The following SLC2A13 variants were observed in gnomAD, a reference collection of about 807,000 sequenced individuals.
SLC2A13 encodes the protein proton myo-inositol cotransporter.
SLC2A13 carries 32 observed loss-of-function variants against 64.4 expected under a neutral mutation model. The observed-to-expected ratio is 0.50, with a 90% CI of 0.37 to 0.67. The LOEUF (loss-of-function observed/expected upper bound fraction) is 0.67. SLC2A13 is among the 30% of genes least tolerant of loss of function. SLC2A13 has a pLI of 0.00. For missense variants in SLC2A13, 743 were observed against 829.2 expected (o/e 0.90, Z 1.28); for synonymous variants, 338 against 327.1 (o/e 1.03, Z -0.36).
intron 6 of SLC2A13, among the ~76,000 whole-genome samples, chr12:39,840,969 C>A (rs1943163200): frequency 6.6e-6 from 1 of 152,094 alleles, no homozygotes. Flanking sequence ...CCATTTCAGT[C>A]CATGAAGATA....
intron 1 of SLC2A13, among the ~76,000 whole-genome samples, chr12:40,054,253 A>G (rs1046209418): frequency 1.3e-5 from 2 of 152,202 alleles, no homozygotes; most frequent in African/African-American, 4.8e-5. Context: ...AGGTGCTTTA[A>G]AAATGAATGT....
chr12:39,986,801 T>C (rs890433766), intron 3 of SLC2A13, among the ~76,000 whole-genome samples: 5 of 151,994 alleles, frequency 3.3e-5, no homozygotes, highest in African/African-American at 1.2e-4. Context: ...GGCATATCTA[T>C]GGTGCTTGCC....
chr12:40,033,485 C>A (rs1947934444), intron 2 of SLC2A13, among the ~76,000 whole-genome samples: 1 of 152,216 alleles, frequency 6.6e-6, no homozygotes, highest in East Asian at 1.9e-4. Context: ...ACCCACTGGG[C>A]TGGGTAACTG....
At chr12:40,014,570 CA>C (rs1186541391) in intron 3 of SLC2A13, among the ~76,000 whole-genome samples, 1 of 152,126 alleles carries the variant, frequency 6.6e-6, no homozygotes, top group African/African-American at 2.4e-5. Flanking sequence ...CGGCTCACTG[CA>C]ACCTCCACCT....
At chr12:39,993,392 G>A (rs778884164) in intron 3 of SLC2A13, among the ~76,000 whole-genome samples, 35 of 152,320 alleles carry the variant, frequency 2.3e-4, no homozygotes, top group Middle Eastern at 3.4e-3. Context: ...AAACAATGTA[G>A]TCTGGCTACC....
At chr12:40,088,009 A>AG (rs1481252244) in intron 1 of SLC2A13, among the ~76,000 whole-genome samples, 2 of 152,244 alleles carry the variant, frequency 1.3e-5, no homozygotes, top group African/African-American at 4.8e-5. Context: ...ATGAAACAGC[A>AG]GATAACATTT....
At position 39,833,352 on chromosome 12, in the gene SLC2A13, T is replaced by A. The variant is rs77570167; in HGVS notation, c.1320-3124A>T. Among the ~76,000 whole-genome samples the A allele has an allele frequency of 6.1e-3, 927 of 152,188 alleles. 38 individuals carry two copies. The East Asian group carries it at 0.12, about 19-fold the overall frequency. The stretch of plus-strand genomic sequence containing the variant: ...CTGTGGAGATATTTCGCCCTTTTTT[T>A]AAATTCCCTAACTTCCTTACTCCAA... On this transcript the variant is annotated intron_variant, in intron 6 of 9. Coordinates refer to ENST00000280871, the MANE Select transcript of SLC2A13 (RefSeq NM_052885.4).
rs145729614 is a variant in SLC2A13, at chr12:39,888,181, G to C, written c.1035-16220C>G. ...TCTGCTGCCTGCCCAGTTCATGGGA[G>C]AAAATGCTTATGGATATAACCATTC... On this transcript the variant is annotated intron_variant, in intron 4 of 9. Transcript: ENST00000280871. Among the ~76,000 whole-genome samples the C allele has an allele frequency of 5.9e-5, 9 of 152,246 alleles. No individual in the cohort carries two copies. In the East Asian group the frequency reaches 1.7e-3, roughly 29 times the overall value.
intron 1 of SLC2A13, among the ~76,000 whole-genome samples, chr12:40,104,285 C>G (rs1275100753): frequency 6.6e-6 from 1 of 152,310 alleles, no homozygotes; most frequent in African/African-American, 2.4e-5. Flanking sequence ...GTCACAGCCC[C>G]CCACTTTCCC....
chr12:40,042,376 T>A (rs1948103156), intron 2 of SLC2A13, among the ~76,000 whole-genome samples: 1 of 152,128 alleles, frequency 6.6e-6, no homozygotes, highest in Admixed American at 6.6e-5. Flanking sequence ...ACAGAGACAC[T>A]CATTTGAAAA....
intron 4 of SLC2A13, among the ~76,000 whole-genome samples, chr12:39,884,514 C>T (rs190241551): frequency 3.3e-5 from 5 of 152,248 alleles, no homozygotes; most frequent in South Asian, 2.1e-4. Flanking sequence ...AAAATAAGTA[C>T]ATCATGGCCA....
chr12:40,077,004 G>C (rs1938203653), intron 1 of SLC2A13, among the ~76,000 whole-genome samples: 1 of 152,042 alleles, frequency 6.6e-6, no homozygotes, highest in East Asian at 1.9e-4. Context: ...TACTGGGGCT[G>C]TTTGATTTTT....
chr12:39,950,423 T>C (rs1355154383), intron 4 of SLC2A13: 2 of 152,196 alleles, frequency 1.3e-5, no homozygotes, highest in Non-Finnish European at 2.9e-5. Context: ...CATAACCTTC[T>C]CTAAACTGTA....
chr12:39,943,834 C>T (rs1946085035), intron 4 of SLC2A13, among the ~76,000 whole-genome samples: 1 of 152,150 alleles, frequency 6.6e-6, no homozygotes, highest in African/African-American at 2.4e-5. Context: ...CAGGAGATTC[C>T]CTTGGGAGCC....
chr12:40,030,323 TG>T (rs1258416853), intron 2 of SLC2A13, among the ~76,000 whole-genome samples: 2 of 152,172 alleles, frequency 1.3e-5, no homozygotes, highest in Non-Finnish European at 2.9e-5. Context: ...CCCCTTAAGA[TG>T]TTAACTGGTA....
intron 7 of SLC2A13, among the ~76,000 whole-genome samples, chr12:39,786,261 G>A (rs1441958322): frequency 6.6e-6 from 1 of 152,068 alleles, no homozygotes; most frequent in African/African-American, 2.4e-5. Flanking sequence ...TGCTATCCTC[G>A]TGATAGCGAA....
intron 3 of SLC2A13, among the ~76,000 whole-genome samples, chr12:39,994,165 G>A (rs944824217): frequency 6.6e-6 from 1 of 151,934 alleles, no homozygotes; most frequent in Non-Finnish European, 1.5e-5. Flanking sequence ...TGAGGTGGAC[G>A]GATCACGAGG....
At chr12:39,868,093 TA>T (rs900164264) in intron 5 of SLC2A13, among the ~76,000 whole-genome samples, 2 of 152,222 alleles carry the variant, frequency 1.3e-5, no homozygotes, top group African/African-American at 4.8e-5. Context: ...TGTTAGTATT[TA>T]AAATCAATCT....
At chr12:39,981,694 C>A (rs1447816093) in intron 3 of SLC2A13, among the ~76,000 whole-genome samples, 2 of 151,066 alleles carry the variant, frequency 1.3e-5, no homozygotes, top group South Asian at 2.1e-4. Flanking sequence ...ATAGCTTACC[C>A]ACCAAAAAGA....
Sources: allele counts gnomAD v4.1 joint callset (sites outside exome capture counted in the v4.1 genomes callset), GRCh38; gene constraint gnomAD v4.1.1; transcripts MANE v1.5; gene names NCBI Gene and HGNC (gene_info 2026-07-23, HGNC 2026-07-21).